FUT9: variants seen among roughly 807,000 people sequenced by gnomAD.
FUT9 encodes the protein fucosyltransferase 9, also known as 4-galactosyl-N-acetylglucosaminide 3-alpha-L-fucosyltransferase 9.
A neutral mutation model predicts 29.7 loss-of-function variants in FUT9; 15 were observed. The observed-to-expected ratio is 0.51, with a 90% CI of 0.34 to 0.78. The LOEUF is 0.78. Among genes scored for constraint, FUT9 ranks in the 30% least tolerant of loss-of-function variants. The pLI, the probability that FUT9 is intolerant of heterozygous loss-of-function variation, is 0.01. For missense variants in FUT9, 319 were observed against 425.4 expected (o/e 0.75, Z 2.20); for synonymous variants, 169 against 153.7 (o/e 1.10, Z -0.74).
intron 1 of FUT9, among the ~76,000 whole-genome samples, chr6:96,095,344 C>G (rs1350463683): frequency 6.6e-6 from 1 of 152,006 alleles, no homozygotes; most frequent in Non-Finnish European, 1.5e-5. Flanking sequence ...ATTCTCTTTC[C>G]AGGAAACTCC....
intron 2 of FUT9, among the ~76,000 whole-genome samples, chr6:96,174,652 G>C (rs2127984124): frequency 6.6e-6 from 1 of 152,114 alleles, no homozygotes; most frequent in African/African-American, 2.4e-5. Context: ...TTATGGTCTT[G>C]TTTTCCCCCA....
intron 1 of FUT9, among the ~76,000 whole-genome samples, chr6:96,050,047 A>G (rs751061498): frequency 6.6e-6 from 1 of 152,188 alleles, no homozygotes; most frequent in South Asian, 2.1e-4. Flanking sequence ...CTCGAAGGCC[A>G]TGTGCAAACA....
rs1028688937 is a variant in FUT9 at position 96,209,854 on chromosome 6, A to C, written c.*5619A>C. On this transcript the variant is annotated 3_prime_UTR_variant, in exon 3 of 3. Transcript: ENST00000302103. Reference sequence around the variant, plus strand: ...ACCGATTTCTGGGCTTTGAGCCATGAAATTAGAATTTCTTCAAATAATCCA... The same window carrying C: ...ACCGATTTCTGGGCTTTGAGCCATGCAATTAGAATTTCTTCAAATAATCCA... 6.0e-6 allele frequency: 1 copy of C among 166,526 alleles called. No individual in the cohort carries two copies. Among genetic ancestry groups the C allele is most frequent in the African/African-American group, 2.4e-5 (1 of 41,424 alleles). 10.3% of individuals were successfully genotyped at this position (166,526 alleles called of 1,614,324 possible).
intron 1 of FUT9, among the ~76,000 whole-genome samples, chr6:96,103,378 T>C (rs1771621455): frequency 6.6e-6 from 1 of 152,016 alleles, no homozygotes; most frequent in Non-Finnish European, 1.5e-5. Context: ...TTACCTCAAC[T>C]ACTCTCCTTA....
intron 1 of FUT9, among the ~76,000 whole-genome samples, chr6:96,111,540 AACACACAC>A (rs66491542): frequency 0.31 from 44,451 of 145,454 alleles, 6,793 homozygotes; most frequent in South Asian, 0.49. Flanking sequence ...TGATTTGGGA[AACACACAC>A]ACACACACAC....
intron 1 of FUT9, among the ~76,000 whole-genome samples, chr6:96,111,540 AACACACACACACACACAC>A (rs66491542): frequency 2.3e-4 from 34 of 145,660 alleles, no homozygotes; most frequent in South Asian, 4.5e-4. Flanking sequence ...TGATTTGGGA[AACACACACACACACACAC>A]ACACACACAC....
rs910008645 is a variant in FUT9 at position 96,214,466 on chromosome 6, T to A, written c.*10231T>A. 1 of 166,942 alleles carries A rather than the reference T, an allele frequency of 6.0e-6. No homozygotes were observed. Among genetic ancestry groups the A allele is most frequent in the African/African-American group, 2.4e-5 (1 of 41,424 alleles). 10.3% of individuals were successfully genotyped at this position (166,942 alleles called of 1,614,324 possible). Reference sequence around the variant, plus strand: ...AGGCCTACCCTTTTACTTATTAACTTAAGTAATAAAAATTGTATAAAAATA... The same window carrying A: ...AGGCCTACCCTTTTACTTATTAACTAAAGTAATAAAAATTGTATAAAAATA... On this transcript the variant is annotated 3_prime_UTR_variant, in exon 3 of 3. Transcript: ENST00000302103.
rs147783812 is a variant in FUT9, at chr6:96,052,837, A to G, written c.-98+36625A>G. 5.0e-4 allele frequency among the ~76,000 whole-genome samples: 75 copies of G among 149,818 alleles called. 1 individual carries two copies. Among genetic ancestry groups the G allele is most frequent in the East Asian group, 4.2e-3 (22 of 5,186 alleles). The stretch of plus-strand genomic sequence containing the variant: ...AAAAAAAATTTGTCAACTTTTCTTC[A>G]TGAAGGTGGTGTGGAGAGAAGAATA... On this transcript the variant is annotated intron_variant, in intron 1 of 2. Transcript: ENST00000302103.
chr6:96,037,816 A>G (rs1220536871), intron 1 of FUT9, among the ~76,000 whole-genome samples: 2 of 152,148 alleles, frequency 1.3e-5, no homozygotes, highest in Non-Finnish European at 2.9e-5. Context: ...CACAAGCACA[A>G]GTTCTTAAAA....
chr6:96,099,386 T>A (rs1771550438), intron 1 of FUT9, among the ~76,000 whole-genome samples: 1 of 152,182 alleles, frequency 6.6e-6, no homozygotes, highest in African/African-American at 2.4e-5. Context: ...GTTTTCCTCC[T>A]TTTATGCTAA....
chr6:96,073,784 A>G (rs565356918), intron 1 of FUT9, among the ~76,000 whole-genome samples: 2 of 152,306 alleles, frequency 1.3e-5, no homozygotes, highest in East Asian at 1.9e-4. Flanking sequence ...AAATTGTTCT[A>G]TATCCAGTGC....
intron 2 of FUT9, among the ~76,000 whole-genome samples, chr6:96,143,833 A>G (rs1772512008): frequency 6.6e-6 from 1 of 152,216 alleles, no homozygotes; most frequent in African/African-American, 2.4e-5. Flanking sequence ...AGGGAGTCAT[A>G]TAACAGAGGA....
At chr6:96,175,493 C>T (rs72922868) in intron 2 of FUT9, among the ~76,000 whole-genome samples, 1 of 151,988 alleles carries the variant, frequency 6.6e-6, no homozygotes. Context: ...AAATCAAATA[C>T]CAAATATTAT....
At chr6:96,140,037 T>G (rs1311774610) in intron 2 of FUT9, among the ~76,000 whole-genome samples, 1 of 152,216 alleles carries the variant, frequency 6.6e-6, no homozygotes, top group Non-Finnish European at 1.5e-5. Flanking sequence ...TTCAAACTTT[T>G]ATACTCTACT....
intron 2 of FUT9, among the ~76,000 whole-genome samples, chr6:96,194,753 A>G (rs1161094038): frequency 6.6e-6 from 1 of 152,082 alleles, no homozygotes; most frequent in Non-Finnish European, 1.5e-5. Flanking sequence ...CCTGACAATA[A>G]TCACAGAAGT....
chr6:96,176,401 A>G (rs995747852), intron 2 of FUT9, among the ~76,000 whole-genome samples: 2 of 151,944 alleles, frequency 1.3e-5, no homozygotes, highest in African/African-American at 2.4e-5. Context: ...TTCTGTTTCT[A>G]TGGGAAACCC....
chr6:96,144,296 G>A (rs1363208722), intron 2 of FUT9, among the ~76,000 whole-genome samples: 3 of 152,136 alleles, frequency 2.0e-5, no homozygotes, highest in Admixed American at 1.3e-4. Context: ...ATAAAGAAGA[G>A]TAGTTATTCA....
chr6:96,173,599 C>T (rs993720404), intron 2 of FUT9, among the ~76,000 whole-genome samples: 8 of 151,676 alleles, frequency 5.3e-5, no homozygotes, highest in African/African-American at 1.9e-4. Flanking sequence ...CATTTAAACT[C>T]TATTCAACAA....
At chr6:96,062,706 A>T (rs1770897204) in intron 1 of FUT9, among the ~76,000 whole-genome samples, 1 of 152,178 alleles carries the variant, frequency 6.6e-6, no homozygotes, top group Non-Finnish European at 1.5e-5. Flanking sequence ...TTTCTTCTTT[A>T]TACCTTTTTG....
Sources: allele counts gnomAD v4.1 joint callset (sites outside exome capture counted in the v4.1 genomes callset), GRCh38; gene constraint gnomAD v4.1.1; transcripts MANE v1.5; gene names NCBI Gene and HGNC (gene_info 2026-07-23, HGNC 2026-07-21).